Variants in SRRT observed in about 807,000 individuals in gnomAD.
SRRT encodes the protein serrate, RNA effector molecule, also known as serrate RNA effector molecule homolog.
SRRT carries 32 observed loss-of-function variants against 103.2 expected under a neutral mutation model. The ratio of observed to expected loss-of-function variants is 0.31; its 90% confidence interval spans 0.23 to 0.42. SRRT has a LOEUF of 0.42. SRRT is among the 10% of genes least tolerant of loss of function. The pLI, the probability that SRRT is intolerant of heterozygous loss-of-function variation, is 1.00. For missense variants in SRRT, 986 were observed against 1,207.5 expected (o/e 0.82, Z 2.72); for synonymous variants, 525 against 449.0 (o/e 1.17, Z -2.14).
intron 2 of SRRT, chr7:100,880,753 G>A: frequency 2.4e-6 from 1 of 416,364 alleles, no homozygotes; most frequent in Non-Finnish European, 4.9e-6. Flanking sequence ...GAAGCTTGCT[G>A]CAGCCGCGAC....
At chr7:100,880,648 ACTT>A in intron 2 of SRRT, 4 of 390,544 alleles carry the variant, frequency 1.0e-5, no homozygotes, top group Non-Finnish European at 2.1e-5. Flanking sequence ...GGGGTGATGG[ACTT>A]CTAGTAGGGG....
Position 100,882,853 on chromosome 7 carries a change from C to CCTGGG in SRRT, c.587+616_587+620dup, listed in dbSNP as rs1456498730. ...ACCATACCCAGCCCATACATGAGCCCCTGGGCTGAGCTGCGCGGCCCCGGC... is the reference window on the plus strand; with the variant it reads ...ACCATACCCAGCCCATACATGAGCCCCTGGGCTGGGCTGAGCTGCGCGGCCCCGGC... On this transcript the variant is annotated intron_variant, in intron 5 of 19. Coordinates refer to ENST00000611405, the MANE Select transcript of SRRT (RefSeq NM_015908.6). The surrounding 1 kb of genome is among the most constrained non-coding windows in gnomAD (Gnocchi z 4.2). The CCTGGG allele has an allele frequency of 6.5e-6, 1 of 153,610 alleles. No individual in the cohort carries two copies. The highest frequency in any genetic ancestry group is 1.4e-5 in the Non-Finnish European group (1 of 69,020). 9.5% of individuals were successfully genotyped at this position (153,610 alleles called of 1,614,324 possible).
At chr7:100,888,198 A>G in intron 18 of SRRT, 55 bp downstream of exon 18, 1 of 1,599,388 alleles carries the variant, frequency 6.3e-7, no homozygotes, top group African/African-American at 1.3e-5. Flanking sequence ...TTGGGAGAAG[A>G]AAACAGAGGA....
rs762166409 is a variant in SRRT, at chr7:100,887,795, C to T, written c.2262C>T (p.Leu754=). Residue 754 remains leucine, a synonymous_variant, in exon 17 of 20, where the codon CTC becomes CTT. Transcript: ENST00000611405. The surrounding 1 kb of genome is among the most constrained non-coding windows in gnomAD (Gnocchi z 4.1). The part of the protein sequence containing the change: ...KKEVAFFNNF[L]TDAKRPALPE... ...AAGTCGCGTTTTTTAACAACTTCCT[C>T]ACTGATGCTAAGCGCCCAGCTCTGC... The T allele has an allele frequency of 3.7e-6, 6 of 1,613,444 alleles. No individual in the cohort carries two copies. In the Admixed American group the frequency reaches 6.7e-5, roughly 18 times the overall value.
chr7:100,881,594 C>CCAT, intron 3 of SRRT, 65 bp from the exon 4 acceptor site: 1 of 1,605,702 alleles, frequency 6.2e-7, no homozygotes. Flanking sequence ...CCCCGTCTGT[C>CCAT]CATCCTCCAT....
In SRRT at chr7:100,882,309, G is replaced by A. The variant is rs924757943; in HGVS notation, c.587+68G>A. The A allele has an allele frequency of 1.3e-6, 2 of 1,535,490 alleles. No homozygotes were observed. The highest frequency in any genetic ancestry group is 1.4e-5 in the African/African-American group (1 of 72,614). ...CCCTGGCCCCGCTGGTGGAGCCACA[G>A]CCCTGTCCTCTTCCCAGTTTTCCCT... On this transcript the variant is annotated intron_variant, in intron 5 of 19. Transcript: ENST00000611405. This position sits in a 1 kb window ranked among gnomAD's most constrained non-coding sequence, Gnocchi z 4.2.
Position 100,886,965 on chromosome 7 carries a change from T to A in SRRT, c.1818T>A (p.Ile606=), listed in dbSNP as rs201215771. 6.2e-7 allele frequency: 1 copy of A among 1,610,160 alleles called. No individual in the cohort carries two copies. ...ACGTGGAGCGGGATGAGAAGTTGAT[T>A]AAGGTGCCAGTGGCAGCGCGGGGCA... ...EINVERDEKL[I]KVLDKLLLYL... is the part of the protein sequence containing the mutation. The change falls in exon 14 of 20, where the codon ATT becomes ATA. Residue 606 remains isoleucine, a synonymous_variant. Coordinates refer to ENST00000611405, the MANE Select transcript of SRRT (RefSeq NM_015908.6).
rs139718904 is a variant in SRRT at position 100,884,188 on chromosome 7, C to G, written c.706C>G (p.Leu236Val). Reference protein sequence around the residue: ...SLMETGWFDNLLLDIDKADAI... With the variant: ...SLMETGWFDNVLLDIDKADAI... Reference sequence around the variant, plus strand: ...CATGGAGACTGGCTGGTTTGATAACCTTCTCCTGGACATAGACAAAGCTGA... The same window carrying G: ...CATGGAGACTGGCTGGTTTGATAACGTTCTCCTGGACATAGACAAAGCTGA... The change falls in exon 6 of 20, where the codon CTT becomes GTT. Residue 236 changes from leucine to valine, a missense_variant. By Grantham distance (32) the Leu-to-Val change is conservative. This residue lies in a region of SRRT where 274 missense variants were observed against 358.5 expected (regional missense o/e 0.76). Transcript: ENST00000611405. The G allele has an allele frequency of 6.2e-7, 1 of 1,614,030 alleles. No individual in the cohort carries two copies. The highest frequency in any genetic ancestry group is 8.5e-7 in the Non-Finnish European group (1 of 1,180,024).
In SRRT at chr7:100,887,578, CT is replaced by C. The variant is rs1016149137; in HGVS notation, c.2169+66del. 1.9e-6 allele frequency: 3 copies of C among 1,589,846 alleles called. No individual in the cohort carries two copies. In the African/African-American group the frequency reaches 4.0e-5, roughly 21 times the overall value. ...AGGTGGGGTTGAGACAGGAAGCCCC[CT>C]GGGCAGGGGTGGGGGAACTGCTTAC... On this transcript the variant is annotated intron_variant, in intron 16 of 19. Transcript: ENST00000611405. The surrounding 1 kb of genome is among the most constrained non-coding windows in gnomAD (Gnocchi z 4.1).
chr7:100,878,928 CCTTT>C (rs774651503), intron 2 of SRRT, among the ~76,000 whole-genome samples: 16 of 150,848 alleles, frequency 1.1e-4, no homozygotes, highest in African/African-American at 1.9e-4. Flanking sequence ...TCTTTTCCTT[CCTTT>C]CTTTCTTTTT....
Position 100,882,379 on chromosome 7 carries a change from T to A in SRRT, c.587+138T>A. On this transcript the variant is annotated intron_variant, in intron 5 of 19. Transcript: ENST00000611405. This position sits in a 1 kb window ranked among gnomAD's most constrained non-coding sequence, Gnocchi z 4.2. Reference sequence around the variant, plus strand: ...CGGGGGTCGGGAAGTATGACAGCATTGGCTGATGGGGTCTCCCCCTCACTT... The same window carrying A: ...CGGGGGTCGGGAAGTATGACAGCATAGGCTGATGGGGTCTCCCCCTCACTT... 1 of 926,548 alleles carries A rather than the reference T, an allele frequency of 1.1e-6. No individual in the cohort carries two copies. The highest frequency in any genetic ancestry group is 1.6e-6 in the Non-Finnish European group (1 of 626,654). 57.4% of individuals were successfully genotyped at this position (926,548 alleles called of 1,614,324 possible). A position where few individuals can be genotyped will look rare whatever the true frequency, so the allele number is the denominator to read the frequency against.
At position 100,887,159 on chromosome 7, in the gene SRRT, T is replaced by C. The variant is rs1333701461; in HGVS notation, c.1934T>C (p.Val645Ala). ...EMPNRCGIIH[V>A]RGPMPPNRIS... ...CCCAATCGCTGTGGGATCATCCACG[T>C]TCGGGGGCCCATGCCACCCAACCGC... is the stretch of plus-strand genomic sequence containing the variant. Residue 645 changes from valine to alanine, a missense_variant, in exon 15 of 20, where the codon GTT becomes GCT. Physicochemically the swap from Val to Ala is moderately conservative, Grantham distance 64. This residue lies in a region of SRRT where 349 missense variants were observed against 446.9 expected (regional missense o/e 0.78). Coordinates refer to ENST00000611405, the MANE Select transcript of SRRT (RefSeq NM_015908.6). This position sits in a 1 kb window ranked among gnomAD's most constrained non-coding sequence, Gnocchi z 4.1. 1 of 1,614,084 alleles carries C rather than the reference T, an allele frequency of 6.2e-7. No individual in the cohort carries two copies. The highest frequency in any genetic ancestry group is 1.3e-5 in the African/African-American group (1 of 74,918).
intron 2 of SRRT, among the ~76,000 whole-genome samples, chr7:100,879,961 G>C (rs1816129176): frequency 1.3e-5 from 2 of 152,222 alleles, no homozygotes. Flanking sequence ...GTTGCTTACT[G>C]ACATTGAAGT....
At chr7:100,884,281 G>T (rs777986982) in intron 6 of SRRT, 42 bp downstream of exon 6, 2 of 1,613,010 alleles carry the variant, frequency 1.2e-6, no homozygotes, top group African/African-American at 1.3e-5. Context: ...GGGCCCCATG[G>T]GGGTGGGGGT....
rs536726911 is a variant in SRRT at position 100,888,405 on chromosome 7, G to A, written c.2555+22G>A. On this transcript the variant is annotated intron_variant, in intron 19 of 19. Coordinates refer to ENST00000611405, the MANE Select transcript of SRRT (RefSeq NM_015908.6). ...ACAGGTGAGGAGGGCAGACGCCCAA[G>A]CTTTGTTGCCGCCTGCAGACTCCCT... The A allele has an allele frequency of 5.0e-6, 8 of 1,613,232 alleles. No homozygotes were observed. The South Asian group carries it at 7.7e-5, about 16-fold the overall frequency.
In SRRT at chr7:100,885,959, G is replaced by A. The variant is rs781585902; in HGVS notation, c.1458+18G>A. The A allele has an allele frequency of 8.7e-6, 14 of 1,613,000 alleles. No individual in the cohort carries two copies. Among genetic ancestry groups the A allele is most frequent in the Admixed American group, 3.3e-5 (2 of 60,002 alleles). ...ACATCCGTGTGAGTGCTGGGGGTGG[G>A]ACTGTGGGGAAGAGGAAGGGAGACT... is the stretch of plus-strand genomic sequence containing the variant. On this transcript the variant is annotated intron_variant, in intron 12 of 19. Coordinates refer to ENST00000611405, the MANE Select transcript of SRRT (RefSeq NM_015908.6). The surrounding 1 kb of genome is among the most constrained non-coding windows in gnomAD (Gnocchi z 4.8).
intron 13 of SRRT, 94 bp from the exon 14 acceptor site, chr7:100,886,701 C>T (rs1790143888): frequency 7.1e-7 from 1 of 1,412,522 alleles, no homozygotes; most frequent in Admixed American, 1.9e-5. Flanking sequence ...CCGGTGAACT[C>T]CTGTCCCCTC....
chr7:100,886,711 C>T (rs367678841), intron 13 of SRRT, 84 bp from the exon 14 acceptor site: 86 of 1,473,740 alleles, frequency 5.8e-5, no homozygotes, highest in South Asian at 2.6e-4. Context: ...CCTGTCCCCT[C>T]GCTGCTCTTT....
At chr7:100,884,021 T>G in intron 5 of SRRT, 49 bp from the exon 6 acceptor site, 2 of 1,521,652 alleles carry the variant, frequency 1.3e-6, no homozygotes, top group South Asian at 2.6e-5. Context: ...CATCCTGGCC[T>G]TGGCTTCCAA....
Sources: allele counts gnomAD v4.1 joint callset (sites outside exome capture counted in the v4.1 genomes callset), GRCh38; gene constraint gnomAD v4.1.1; regional missense constraint gnomAD v4.1.1; non-coding constraint Gnocchi (gnomAD v3.1); transcripts MANE v1.5; gene names NCBI Gene and HGNC (gene_info 2026-07-23, HGNC 2026-07-21).